IL12RB2: variants seen among roughly 807,000 people sequenced by gnomAD.
IL12RB2 encodes the protein interleukin 12 receptor subunit beta 2, also known as interleukin-12 receptor subunit beta-2.
Under a neutral mutation model 89.4 loss-of-function variants are expected in IL12RB2, and 82 were observed. The observed-to-expected ratio is 0.92, with a 90% CI of 0.77 to 1.10. IL12RB2 has a LOEUF of 1.10. Ranked by LOEUF, IL12RB2 falls within the 50% of genes least tolerant of loss-of-function variation. The pLI, the probability that IL12RB2 is intolerant of heterozygous loss-of-function variation, is 0.00. For synonymous variants in IL12RB2, 368 were observed against 370.1 expected (o/e 0.99, Z 0.07); for missense variants, 963 against 1,031.9 (o/e 0.93, Z 0.92).
chr1:67,395,888 C>T lies in IL12RB2; in HGVS notation c.2388C>T (p.Thr796=), dbSNP rs1261124938. The T allele has an allele frequency of 3.1e-6, 5 of 1,608,406 alleles. No individual in the cohort carries two copies. In the South Asian group the frequency reaches 4.4e-5, roughly 14 times the overall value. Residue 796 remains threonine (T), a synonymous_variant, in exon 17 of 17, where the codon ACC becomes ACT. Transcript: ENST00000674203. The part of the protein sequence containing the change: ...WTVLPAGDLP[T]HDGYLPSNID... The stretch of plus-strand genomic sequence containing the variant: ...TGCTCCCAGCAGGTGACCTTCCCAC[C>T]CATGATGGCTACTTACCCTCCAACA...
chr1:67,346,758 G>A (rs1201334781), intron 9 of IL12RB2, among the ~76,000 whole-genome samples: 1 of 152,098 alleles, frequency 6.6e-6, no homozygotes, highest in African/African-American at 2.4e-5. Context: ...AAATCAAGAT[G>A]CTCACAAAAA....
chr1:67,319,228 C>A (rs1656180708), intron 2 of IL12RB2, among the ~76,000 whole-genome samples: 2 of 152,144 alleles, frequency 1.3e-5, no homozygotes, highest in African/African-American at 4.8e-5. Context: ...TTTTAGTGGC[C>A]TGACATCACA....
chr1:67,321,434 T>C (rs1049175511), intron 3 of IL12RB2, among the ~76,000 whole-genome samples, 168 bp from the exon 4 acceptor site: 1 of 152,220 alleles, frequency 6.6e-6, no homozygotes, highest in African/African-American at 2.4e-5. Flanking sequence ...TATGTTTACC[T>C]TCTGTTTTCA....
intron 10 of IL12RB2, among the ~76,000 whole-genome samples, chr1:67,367,462 G>GGGAA (rs55681603): frequency 0.5 from 63,112 of 127,064 alleles, 17,115 homozygotes; most frequent in Non-Finnish European, 0.59. Flanking sequence ...AAAGGAACGA[G>GGGAA]GGAAGGAAGG....
intron 1 of IL12RB2, among the ~76,000 whole-genome samples, chr1:67,312,835 A>G (rs186726203): frequency 2.0e-5 from 3 of 152,234 alleles, no homozygotes; most frequent in Non-Finnish European, 4.4e-5. Context: ...ATGCTTACCA[A>G]TGAAATTAGA....
At chr1:67,308,878 G>A (rs916372586) in intron 1 of IL12RB2, among the ~76,000 whole-genome samples, 12 of 152,044 alleles carry the variant, frequency 7.9e-5, no homozygotes, top group African/African-American at 2.4e-4. Context: ...AAATTAGCTG[G>A]GCATGATGAC....
chr1:67,335,527 T>C (rs1429997872), intron 8 of IL12RB2, among the ~76,000 whole-genome samples: 3 of 152,228 alleles, frequency 2.0e-5, no homozygotes, highest in African/African-American at 7.2e-5. Flanking sequence ...CCCTACAGTT[T>C]TTTCCTTTAC....
In IL12RB2 at chr1:67,395,826, G is replaced by A. The variant is rs774704366; in HGVS notation, c.2326G>A (p.Asp776Asn). 69 of 1,611,988 alleles carry A rather than the reference G, an allele frequency of 4.3e-5. No individual in the cohort carries two copies. The East Asian group carries it at 4.7e-4, about 11-fold the overall frequency. The change falls in exon 17 of 17, where the codon GAC becomes AAC. Residue 776 changes from aspartate to asparagine, a missense_variant. Asp to Asn is a conservative substitution (Grantham distance 23, BLOSUM62 1). Coordinates refer to ENST00000674203, the MANE Select transcript of IL12RB2 (RefSeq NM_001374259.2). Reference sequence around the variant, plus strand: ...CAAGGTGCTGGAGAGCAGGGGCTCCGACCCAAAGCCCGAAAACCCAGCCTG... The same window carrying A: ...CAAGGTGCTGGAGAGCAGGGGCTCCAACCCAAAGCCCGAAAACCCAGCCTG... ...LYKVLESRGSDPKPENPACPW... is the reference protein window; with the variant it reads ...LYKVLESRGSNPKPENPACPW...
intron 1 of IL12RB2, among the ~76,000 whole-genome samples, chr1:67,312,656 G>T (rs1289710639): frequency 5.1e-5 from 3 of 59,266 alleles, no homozygotes; most frequent in African/African-American, 2.0e-4. Flanking sequence ...AGAGAGAAAA[G>T]AATAAAGGAA....
In IL12RB2 at chr1:67,395,593, C is replaced by T. The variant is rs41313351; in HGVS notation, c.2093C>T (p.Thr698Met). ...PLDRLLIDWPTPEDPEPLVIS... is the reference protein window; with the variant it reads ...PLDRLLIDWPMPEDPEPLVIS... Reference sequence around the variant, plus strand: ...GACAGGCTCCTGATAGACTGGCCCACGCCTGAAGATCCTGAACCGCTGGTC... The same window carrying T: ...GACAGGCTCCTGATAGACTGGCCCATGCCTGAAGATCCTGAACCGCTGGTC... The change falls in exon 17 of 17, where the codon ACG (threonine) becomes ATG (methionine). Residue 698 changes from threonine (T) to methionine (M), a missense_variant. By Grantham distance (81) the Thr-to-Met change is moderately conservative. Transcript: ENST00000674203. 1,332 of 1,614,254 alleles carry T rather than the reference C, an allele frequency of 8.3e-4. 1 individual carries two copies. Among genetic ancestry groups the T allele is most frequent in the Non-Finnish European group, 1.0e-3 (1,222 of 1,180,050 alleles).
chr1:67,346,725 G>T (rs887437473), intron 9 of IL12RB2, among the ~76,000 whole-genome samples: 1 of 152,062 alleles, frequency 6.6e-6, no homozygotes, highest in African/African-American at 2.4e-5. Context: ...GACTGGGGTT[G>T]CAAAAGGCAG....
chr1:67,381,160 A>C (rs1664526102), intron 14 of IL12RB2, among the ~76,000 whole-genome samples: 1 of 152,218 alleles, frequency 6.6e-6, no homozygotes, highest in Non-Finnish European at 1.5e-5. Flanking sequence ...AGGTACAGAA[A>C]GATTACCCAA....
chr1:67,310,298 T>C (rs1654874620), intron 1 of IL12RB2, among the ~76,000 whole-genome samples: 1 of 152,156 alleles, frequency 6.6e-6, no homozygotes, highest in Non-Finnish European at 1.5e-5. Context: ...TTTGTTTTTG[T>C]TTTTGTTTTC....
At chr1:67,366,055 C>T (rs1333401918) in intron 10 of IL12RB2, among the ~76,000 whole-genome samples, 2 of 151,992 alleles carry the variant, frequency 1.3e-5, no homozygotes, top group African/African-American at 4.8e-5. Context: ...AGAAAGAATG[C>T]AGGAAACCCA....
intron 7 of IL12RB2, among the ~76,000 whole-genome samples, chr1:67,330,426 A>C (rs1257043709): frequency 6.6e-6 from 1 of 152,108 alleles, no homozygotes; most frequent in African/African-American, 2.4e-5. Flanking sequence ...ACCTACATAG[A>C]TGGGTTCTTA....
At chr1:67,389,993 C>CA (rs762677523) in intron 15 of IL12RB2, 36 bp from the exon 16 acceptor site, 4 of 897,498 alleles carry the variant, frequency 4.5e-6, no homozygotes, top group Non-Finnish European at 5.7e-6. Context: ...ACTGTGTGCA[C>CA]ACCTAAGGAA....
chr1:67,322,299 C>T (rs905455053), intron 4 of IL12RB2, among the ~76,000 whole-genome samples: 1 of 152,138 alleles, frequency 6.6e-6, no homozygotes, highest in African/African-American at 2.4e-5. Context: ...CTCGTCCTAT[C>T]TAACTTAATG....
chr1:67,371,416 G>GA lies in IL12RB2; in HGVS notation c.1460-1008dup, dbSNP rs11300482. 3.5e-3 allele frequency among the ~76,000 whole-genome samples: 509 copies of GA among 144,940 alleles called. 8 individuals are homozygous for GA. In the East Asian group the frequency reaches 0.058, roughly 16 times the overall value. On this transcript the variant is annotated intron_variant, in intron 11 of 16. Transcript: ENST00000674203. ...TCTATGATATAAAATTATTCTTCCT[G>GA]AAAAAAAAAAAAGTTAAACCCTAAT... is the stretch of plus-strand genomic sequence containing the variant.
chr1:67,354,467 C>A (rs1023537801), intron 10 of IL12RB2, among the ~76,000 whole-genome samples: 3 of 152,086 alleles, frequency 2.0e-5, no homozygotes, highest in Non-Finnish European at 4.4e-5. Context: ...GGACAGAGGA[C>A]CATTGATCAT....
Sources: gnomAD v4.1 joint callset for allele counts (sites outside exome capture counted in the v4.1 genomes callset) on GRCh38, gnomAD v4.1.1 for gene constraint, MANE v1.5 for transcripts, NCBI Gene and HGNC (gene_info 2026-07-23, HGNC 2026-07-21) for gene names.